Variants in DACH2 observed in about 807,000 individuals in gnomAD.
The protein encoded by DACH2 is dachshund family transcription factor 2.
A neutral mutation model predicts 35.8 loss-of-function variants in DACH2; 17 were observed. The observed-to-expected ratio is 0.48, with a 90% confidence interval of 0.33 to 0.71. The LOEUF (loss-of-function observed/expected upper bound fraction) is 0.71. Ranked by LOEUF, DACH2 falls within the 30% of genes least tolerant of loss-of-function variation. The pLI is 0.02. For missense variants in DACH2, 469 were observed against 472.7 expected, an observed-to-expected ratio of 0.99 and a Z score of 0.07; for synonymous variants, 195 against 177.3, an observed-to-expected ratio of 1.10 and a Z score of -0.79.
rs368421957 is a variant in DACH2, at chrX:86,546,868, C to G, written c.640+32477C>G. On this transcript the variant is annotated intron_variant, in intron 3 of 11. Transcript: ENST00000373125. Reference sequence around the variant, plus strand: ...GCAGATGCCTCGTATTTTCAAACTACTGTTTGAAAATATCTACTTACCTAC... The same window carrying G: ...GCAGATGCCTCGTATTTTCAAACTAGTGTTTGAAAATATCTACTTACCTAC... 2.8e-4 allele frequency among the ~76,000 whole-genome samples: 31 copies of G among 110,209 alleles called. 1 individual carries two copies. In the South Asian group the frequency reaches 9.2e-3, roughly 33 times the overall value.
chrX:86,286,924 C>T (rs1010624745), intron 1 of DACH2, among the ~76,000 whole-genome samples: 8 of 111,733 alleles, frequency 7.2e-5, no homozygotes, highest in South Asian at 7.4e-4. Context: ...GTTACTGTGT[C>T]GTAATATTCT....
At chrX:86,231,878 G>T (rs1038060975) in intron 1 of DACH2, among the ~76,000 whole-genome samples, 9 of 111,788 alleles carry the variant, frequency 8.1e-5, no homozygotes, top group Non-Finnish European at 1.5e-4. Context: ...GGCAGGAATG[G>T]GTTGCCTGGG....
chrX:86,324,603 G>A (rs1354619421), intron 1 of DACH2, among the ~76,000 whole-genome samples: 5 of 83,281 alleles, frequency 6.0e-5, no homozygotes, highest in Non-Finnish European at 1.1e-4. Context: ...TTTTGAGATG[G>A]CGTCTCACTC....
chrX:86,270,345 A>T (rs1202050279), intron 1 of DACH2, among the ~76,000 whole-genome samples: 2 of 111,383 alleles, frequency 1.8e-5, no homozygotes, highest in African/African-American at 6.5e-5. Context: ...AAAAGAGACA[A>T]CACATAGATT....
At chrX:86,411,036 A>ATATATATG (rs768655432) in intron 2 of DACH2, among the ~76,000 whole-genome samples, 6 of 79,960 alleles carry the variant, frequency 7.5e-5, no homozygotes, top group Non-Finnish European at 1.5e-4. Context: ...ATATATATAT[A>ATATATATG]TATGTATATA....
intron 2 of DACH2, among the ~76,000 whole-genome samples, chrX:86,377,508 C>T (rs1240134615): frequency 1.8e-5 from 2 of 110,499 alleles, no homozygotes; most frequent in Admixed American, 1.9e-4. Flanking sequence ...TGTTCCAGGC[C>T]TCAGACATTT....
chrX:86,294,216 C>G (rs755966585), intron 1 of DACH2, among the ~76,000 whole-genome samples: 1 of 111,759 alleles, frequency 8.9e-6, no homozygotes, highest in South Asian at 3.8e-4. Context: ...TTGATTGCAT[C>G]GGCTCCTGAG....
chrX:86,401,100 C>T (rs768435202), intron 2 of DACH2, among the ~76,000 whole-genome samples: 56 of 111,906 alleles, frequency 5.0e-4, no homozygotes, highest in African/African-American at 1.7e-3. Context: ...CCCCCAGCCT[C>T]GCTACTGCCT....
chrX:86,699,676 A>G (rs145393632), intron 5 of DACH2, among the ~76,000 whole-genome samples: 3,735 of 111,319 alleles, frequency 0.034, 158 homozygotes, highest in African/African-American at 0.12. Context: ...ATGATAGGCC[A>G]AAAAACATGT....
chrX:86,550,783 TAA>T (rs772332158), intron 3 of DACH2, among the ~76,000 whole-genome samples: 1 of 111,934 alleles, frequency 8.9e-6, no homozygotes, highest in East Asian at 2.8e-4. Flanking sequence ...GAAGACTGAC[TAA>T]AAGTTAGACC....
At chrX:86,303,210 T>G (rs2034609255) in intron 1 of DACH2, among the ~76,000 whole-genome samples, 1 of 107,872 alleles carries the variant, frequency 9.3e-6, no homozygotes, top group Non-Finnish European at 1.9e-5. Flanking sequence ...TTACTGCTAC[T>G]AAGTAGTCCT....
chrX:86,429,926 T>G (rs2036959406), intron 2 of DACH2, among the ~76,000 whole-genome samples: 1 of 112,165 alleles, frequency 8.9e-6, no homozygotes, highest in East Asian at 2.8e-4. Flanking sequence ...TTTATAGAGA[T>G]AAATCATACA....
chrX:86,711,789 TATGA>T (rs1465733255), intron 5 of DACH2, among the ~76,000 whole-genome samples: 1 of 112,370 alleles, frequency 8.9e-6, no homozygotes, highest in Non-Finnish European at 1.9e-5. Flanking sequence ...GATTTCAAAG[TATGA>T]GTTTTAAGCC....
At chrX:86,221,815 C>T (rs1375392989) in intron 1 of DACH2, among the ~76,000 whole-genome samples, 2 of 112,310 alleles carry the variant, frequency 1.8e-5, no homozygotes, top group Admixed American at 9.4e-5. Context: ...TTAATTTTCT[C>T]ACAGTTCTGG....
chrX:86,521,926 G>A (rs371559903), intron 3 of DACH2, among the ~76,000 whole-genome samples: 2 of 111,743 alleles, frequency 1.8e-5, no homozygotes, highest in South Asian at 7.4e-4. Context: ...TTTCAGAATA[G>A]TCCTTTAATT....
intron 1 of DACH2, among the ~76,000 whole-genome samples, chrX:86,349,325 A>G (rs1374063069): frequency 1.8e-5 from 2 of 110,399 alleles, no homozygotes; most frequent in Non-Finnish European, 3.8e-5. Context: ...GTCAGCCGGT[A>G]CCTGTTGGTG....
At chrX:86,324,767 T>C (rs963433509) in intron 1 of DACH2, among the ~76,000 whole-genome samples, 2 of 107,925 alleles carry the variant, frequency 1.9e-5, no homozygotes, top group African/African-American at 6.8e-5. Flanking sequence ...TTAGTAGAAA[T>C]GGGGTTTCAC....
chrX:86,169,802 C>T (rs927379332), intron 1 of DACH2, among the ~76,000 whole-genome samples: 3 of 111,270 alleles, frequency 2.7e-5, no homozygotes, highest in South Asian at 7.6e-4. Context: ...TTTGAATTCT[C>T]TATGTTAATG....
intron 3 of DACH2, among the ~76,000 whole-genome samples, chrX:86,602,777 G>A (rs766181155): frequency 1.8e-5 from 2 of 110,915 alleles, no homozygotes; most frequent in Non-Finnish European, 3.8e-5. Flanking sequence ...TTTTTGGGTC[G>A]TCTTTTTATT....
Sources: gnomAD v4.1 joint callset for allele counts (sites outside exome capture counted in the v4.1 genomes callset) on GRCh38, gnomAD v4.1.1 for gene constraint, MANE v1.5 for transcripts, NCBI Gene and HGNC (gene_info 2026-07-23, HGNC 2026-07-21) for gene names.